TENM1: variants seen among roughly 807,000 people sequenced by gnomAD.
TENM1 encodes the protein teneurin-1.
TENM1 carries 35 observed loss-of-function variants against 174.8 expected under a neutral mutation model. The ratio of observed to expected loss-of-function variants is 0.20; its 90% CI spans 0.15 to 0.27. The LOEUF (loss-of-function observed/expected upper bound fraction) is 0.27. TENM1 is among the 10% of genes least tolerant of loss of function. The probability of loss-of-function intolerance (pLI) is 1.00; values close to 1 mark genes in which losing one functional copy is unlikely to be tolerated. For missense variants in TENM1, 1,633 were observed against 2,130.1 expected, an observed-to-expected ratio of 0.77 and a Z score of 4.59; for synonymous variants, 781 against 798.7, an observed-to-expected ratio of 0.98 and a Z score of 0.37.
exon 22 of TENM1, chrX:124,481,785 C>T (rs1298812648): frequency 8.3e-7 from 1 of 1,203,633 alleles, no homozygotes; most frequent in Non-Finnish European, 1.1e-6. Context: ...TCCACAATGA[C>T]TCTGGTCAAA....
At chrX:124,583,965 C>T (rs1406864944) in intron 11 of TENM1, among the ~76,000 whole-genome samples, 24 of 106,630 alleles carry the variant, frequency 2.3e-4, no homozygotes, top group African/African-American at 6.5e-4. Flanking sequence ...TGAAATGAAG[C>T]GAGAAGGGAA....
chrX:124,911,367 C>G (rs1000700461), intron 1 of TENM1, among the ~76,000 whole-genome samples: 2 of 111,280 alleles, frequency 1.8e-5, no homozygotes, highest in African/African-American at 6.5e-5. Context: ...GTCCTCTTCC[C>G]TCGAAGGGCT....
At chrX:125,118,204 C>T in the TENM1 span, among the ~76,000 whole-genome samples, 26 of 110,692 alleles carry the variant, frequency 2.3e-4, no homozygotes, top group Admixed American at 2.3e-3. Context: ...CAGAATAAGA[C>T]ATTGGAGACT....
At chrX:124,576,571 A>G (rs760413495) in intron 11 of TENM1, among the ~76,000 whole-genome samples, 1 of 112,411 alleles carries the variant, frequency 8.9e-6, no homozygotes, top group Non-Finnish European at 1.9e-5. Flanking sequence ...GACATCAGTA[A>G]AACAGTGCTC....
chrX:124,689,330 G>T (rs897658361), intron 5 of TENM1, among the ~76,000 whole-genome samples: 1 of 111,944 alleles, frequency 8.9e-6, no homozygotes, highest in African/African-American at 3.2e-5. Flanking sequence ...TAAAACATTG[G>T]TATTCAGCGT....
chrX:124,984,378 G>A, the TENM1 span, among the ~76,000 whole-genome samples: 1 of 112,367 alleles, frequency 8.9e-6, no homozygotes, highest in East Asian at 2.8e-4. Flanking sequence ...GACGAAACGG[G>A]TTATCTCTCC....
the TENM1 span, among the ~76,000 whole-genome samples, chrX:125,168,145 T>A: frequency 9.0e-6 from 1 of 111,652 alleles, no homozygotes. Flanking sequence ...CTTTCTCAGA[T>A]AACAGTATTT....
the TENM1 span, among the ~76,000 whole-genome samples, chrX:125,025,122 C>T: frequency 2.7e-5 from 3 of 111,454 alleles, no homozygotes; most frequent in Non-Finnish European, 3.8e-5. Context: ...CTGAAGGGTC[C>T]AAAAACAGAG....
chrX:124,509,354 C>A (rs2047526132), intron 18 of TENM1, among the ~76,000 whole-genome samples: 1 of 110,770 alleles, frequency 9.0e-6, no homozygotes, highest in Non-Finnish European at 1.9e-5. Context: ...CTCTCCAGTG[C>A]ATCAAAAACA....
At chrX:125,135,258 C>G in the TENM1 span, among the ~76,000 whole-genome samples, 171 of 111,978 alleles carry the variant, frequency 1.5e-3, 1 homozygote, top group African/African-American at 5.5e-3. Context: ...AAGCAGATCA[C>G]TCTACTTGTG....
At position 124,870,348 on chromosome X, in the gene TENM1, T is replaced by C. The variant is rs142452348; in HGVS notation, c.535+23948A>G. 7.9e-3 allele frequency among the ~76,000 whole-genome samples: 877 copies of C among 111,642 alleles called. 9 individuals carry two copies. The highest frequency in any genetic ancestry group is 0.026 in the African/African-American group (813 of 30,749). On this transcript the variant is annotated intron_variant, in intron 3 of 31. Transcript: ENST00000422452. ...GGATCCTAGTCCTCAGAATTTACAATTAATGTAGATGGAAACAGACAATAA... is the reference window on the plus strand; with the variant it reads ...GGATCCTAGTCCTCAGAATTTACAACTAATGTAGATGGAAACAGACAATAA...
the TENM1 span, among the ~76,000 whole-genome samples, chrX:125,088,483 G>T: frequency 2.7e-5 from 3 of 110,563 alleles, no homozygotes; most frequent in Admixed American, 1.9e-4. Flanking sequence ...TAATAATAGG[G>T]GAAACTCCAT....
chrX:124,392,835 C>T (rs2060296578), intron 27 of TENM1, among the ~76,000 whole-genome samples: 1 of 111,469 alleles, frequency 9.0e-6, no homozygotes, highest in Non-Finnish European at 1.9e-5. Context: ...TTCACCTGGG[C>T]TTGGAGTTTT....
chrX:124,607,401 A>G (rs1255115491), intron 11 of TENM1, among the ~76,000 whole-genome samples: 1 of 111,208 alleles, frequency 9.0e-6, no homozygotes, highest in Non-Finnish European at 1.9e-5. Flanking sequence ...TATCAATTGA[A>G]CAAAGACTCA....
At chrX:124,502,068 T>C (rs1469701928) in intron 19 of TENM1, among the ~76,000 whole-genome samples, 2 of 112,015 alleles carry the variant, frequency 1.8e-5, no homozygotes, top group Non-Finnish European at 3.8e-5. Context: ...ACAAAATCTT[T>C]TGGGGGTGAT....
chrX:124,513,404 A>G (rs1291543603), intron 18 of TENM1, among the ~76,000 whole-genome samples: 4 of 112,024 alleles, frequency 3.6e-5, no homozygotes, highest in African/African-American at 1.3e-4. Flanking sequence ...ACCCAGATAG[A>G]CCAGGATAAT....
the TENM1 span, among the ~76,000 whole-genome samples, chrX:125,023,385 T>A: frequency 4.5e-5 from 5 of 111,297 alleles, no homozygotes; most frequent in Admixed American, 9.6e-5. Flanking sequence ...GAACTGTAAG[T>A]CAATTACAAC....
At chrX:124,729,926 G>A (rs894982797) in intron 4 of TENM1, among the ~76,000 whole-genome samples, 10 of 111,105 alleles carry the variant, frequency 9.0e-5, no homozygotes, top group Non-Finnish European at 1.5e-4. Context: ...GCGCGATCTC[G>A]GCTCACTGCA....
chrX:124,494,509 T>C (rs2047142952), intron 20 of TENM1, among the ~76,000 whole-genome samples: 1 of 110,644 alleles, frequency 9.0e-6, no homozygotes, highest in African/African-American at 3.3e-5. Flanking sequence ...ATTTATTTAT[T>C]TATTTATTTT....
Sources: allele counts gnomAD v4.1 joint callset (sites outside exome capture counted in the v4.1 genomes callset), GRCh38; gene constraint gnomAD v4.1.1; transcripts MANE v1.5; gene names NCBI Gene and HGNC (gene_info 2026-07-23, HGNC 2026-07-21).